VWC2L: variants seen among roughly 807,000 people sequenced by gnomAD.
The protein encoded by VWC2L is von Willebrand factor C domain containing 2 like.
VWC2L carries 10 observed loss-of-function variants against 21.6 expected under a neutral mutation model. That is an observed-to-expected ratio of 0.46 (90% CI 0.29 to 0.78). The LOEUF (loss-of-function observed/expected upper bound fraction) is 0.78. VWC2L is among the 30% of genes least tolerant of loss of function. The pLI is 0.10. For synonymous variants in VWC2L, 96 were observed against 94.3 expected (o/e 1.02, Z -0.10); for missense variants, 209 against 277.1 (o/e 0.75, Z 1.74).
At chr2:214,423,152 A>T (rs1702469128) in intron 2 of VWC2L, among the ~76,000 whole-genome samples, 1 of 152,096 alleles carries the variant, frequency 6.6e-6, no homozygotes, top group South Asian at 2.1e-4. Flanking sequence ...TACCATTGTT[A>T]CATCTTGGTT....
chr2:214,540,445 C>T (rs1689608210), intron 3 of VWC2L, among the ~76,000 whole-genome samples: 1 of 152,086 alleles, frequency 6.6e-6, no homozygotes, highest in Non-Finnish European at 1.5e-5. Context: ...TTCTGTGAGC[C>T]ACTGTGCAAT....
chr2:214,462,668 A>G (rs968625896), intron 3 of VWC2L, among the ~76,000 whole-genome samples: 6 of 152,014 alleles, frequency 3.9e-5, no homozygotes, highest in African/African-American at 1.4e-4. Flanking sequence ...TGATGTCTGT[A>G]TTTTTTTAAC....
chr2:214,574,792 T>C (rs1448802340), intron 3 of VWC2L, among the ~76,000 whole-genome samples: 1 of 151,906 alleles, frequency 6.6e-6, no homozygotes, highest in African/African-American at 2.4e-5. Context: ...ACTATAGTAA[T>C]AACAACTAAC....
chr2:214,515,178 T>G (rs1424423861), intron 3 of VWC2L, among the ~76,000 whole-genome samples: 2 of 152,214 alleles, frequency 1.3e-5, no homozygotes, highest in African/African-American at 4.8e-5. Context: ...TATGGTATGA[T>G]TGCATACTCC....
At chr2:214,508,915 C>A (rs1263088066) in intron 3 of VWC2L, among the ~76,000 whole-genome samples, 3 of 151,342 alleles carry the variant, frequency 2.0e-5, no homozygotes, top group Non-Finnish European at 4.4e-5. Flanking sequence ...TTCTTTTTTT[C>A]CTTTCCTTCT....
At chr2:214,456,400 T>C in intron 3 of VWC2L, among the ~76,000 whole-genome samples, 1 of 152,156 alleles carries the variant, frequency 6.6e-6, no homozygotes, top group Admixed American at 6.5e-5. Flanking sequence ...GGTTTTTGTT[T>C]GGGTTTTTTT....
At chr2:214,451,546 T>C (rs191617252) in intron 3 of VWC2L, among the ~76,000 whole-genome samples, 24 of 152,188 alleles carry the variant, frequency 1.6e-4, no homozygotes, top group Admixed American at 1.2e-3. Context: ...ACCAGGGAGA[T>C]AGTATTCAGG....
At chr2:214,468,594 G>A (rs1191802164) in intron 3 of VWC2L, among the ~76,000 whole-genome samples, 1 of 151,650 alleles carries the variant, frequency 6.6e-6, no homozygotes, top group South Asian at 2.1e-4. Context: ...TCTATAGATC[G>A]GCAGGGAAAA....
intron 3 of VWC2L, among the ~76,000 whole-genome samples, chr2:214,459,169 CTTT>C (rs1391317238): frequency 5.3e-5 from 8 of 152,170 alleles, no homozygotes; most frequent in Admixed American, 3.9e-4. Context: ...TAATAACCTT[CTTT>C]ATCTCTTTTT....
chr2:214,516,649 T>C (rs1324943966), intron 3 of VWC2L, among the ~76,000 whole-genome samples: 1 of 126,348 alleles, frequency 7.9e-6, no homozygotes, highest in African/African-American at 2.9e-5. Flanking sequence ...AAACAGCCTT[T>C]TGAAATTAAA....
intron 3 of VWC2L, among the ~76,000 whole-genome samples, chr2:214,550,044 G>A (rs1689768968): frequency 6.6e-6 from 1 of 152,162 alleles, no homozygotes; most frequent in Non-Finnish European, 1.5e-5. Flanking sequence ...ACCCAGATAT[G>A]CAAATATTTT....
chr2:214,509,500 C>T (rs4673843), intron 3 of VWC2L, among the ~76,000 whole-genome samples: 118,600 of 151,702 alleles, frequency 0.78, 48,228 homozygotes, highest in East Asian at 0.99. Flanking sequence ...TGATATTGCA[C>T]TGCCTGGGAG....
chr2:214,525,756 A>G (rs1473147275), intron 3 of VWC2L, among the ~76,000 whole-genome samples: 1 of 152,344 alleles, frequency 6.6e-6, no homozygotes, highest in Non-Finnish European at 1.5e-5. Flanking sequence ...TTGTTGTGAC[A>G]TGAGCATTAA....
At chr2:214,521,947 C>T (rs530063033) in intron 3 of VWC2L, among the ~76,000 whole-genome samples, 1 of 152,276 alleles carries the variant, frequency 6.6e-6, no homozygotes, top group East Asian at 1.9e-4. Flanking sequence ...TAGCATTAAT[C>T]TTAATAGCTT....
rs568782038 is a variant in VWC2L, at chr2:214,534,119, T to C, written c.521-41553T>C. 414 of 152,644 alleles carry C rather than the reference T, an allele frequency of 2.7e-3. 1 individual carries two copies. Among genetic ancestry groups the C allele is most frequent in the Non-Finnish European group, 4.7e-3 (318 of 67,994 alleles). The allele number at this position is 152,644 out of a possible 1,614,324, so 9.5% of individuals were successfully genotyped here. A position where few individuals can be genotyped will look rare whatever the true frequency, so the allele number is the denominator to read the frequency against. On this transcript the variant is annotated intron_variant, in intron 3 of 3. Transcript: ENST00000312504. ...ATAGGGCCAAATTGGACCCTCCGAT[T>C]CACACCGGGTATCTCTGAGATGTGT... is the stretch of plus-strand genomic sequence containing the variant.
chr2:214,529,030 T>C (rs1425490941), intron 3 of VWC2L, among the ~76,000 whole-genome samples: 5 of 152,188 alleles, frequency 3.3e-5, no homozygotes, highest in Non-Finnish European at 5.9e-5. Context: ...AAACAAATTA[T>C]ACATCACTAT....
chr2:214,417,894 GA>G, intron 2 of VWC2L, among the ~76,000 whole-genome samples: 1 of 152,286 alleles, frequency 6.6e-6, no homozygotes, highest in African/African-American at 2.4e-5. Flanking sequence ...GAAAAAAAGA[GA>G]ATGAGGTGCA....
chr2:214,450,312 C>A (rs1406318678), intron 3 of VWC2L, among the ~76,000 whole-genome samples: 1 of 151,914 alleles, frequency 6.6e-6, no homozygotes, highest in African/African-American at 2.4e-5. Context: ...AAGTAATCAG[C>A]CCCCTAGGCA....
intron 3 of VWC2L, among the ~76,000 whole-genome samples, chr2:214,561,092 C>T (rs559604920): frequency 3.9e-4 from 59 of 152,296 alleles, no homozygotes; most frequent in Non-Finnish European, 6.2e-4. Context: ...GGTTCTCAAA[C>T]TTTAGCCTGC....
Sources: gnomAD v4.1 joint callset for allele counts (sites outside exome capture counted in the v4.1 genomes callset) on GRCh38, gnomAD v4.1.1 for gene constraint, MANE v1.5 for transcripts, NCBI Gene and HGNC (gene_info 2026-07-23, HGNC 2026-07-21) for gene names.